The following SLC6A5 variants were observed in gnomAD, a reference collection of about 807,000 sequenced individuals.
SLC6A5 encodes the protein sodium- and chloride-dependent glycine transporter 2.
A neutral mutation model predicts 90.5 loss-of-function variants in SLC6A5; 58 were observed. The observed-to-expected ratio is 0.64, with a 90% confidence interval of 0.52 to 0.80. SLC6A5 has a LOEUF of 0.80. SLC6A5 is among the 30% of genes least tolerant of loss of function. The pLI, the probability that SLC6A5 is intolerant of heterozygous loss-of-function variation, is 0.00. For synonymous variants in SLC6A5, 427 were observed against 401.4 expected (o/e 1.06, Z -0.76); for missense variants, 1,015 against 1,017.6 (o/e 1.00, Z 0.03).
At chr11:20,648,504 G>C (rs1258970478) in intron 14 of SLC6A5, among the ~76,000 whole-genome samples, 1 of 152,152 alleles carries the variant, frequency 6.6e-6, no homozygotes, top group Non-Finnish European at 1.5e-5. Context: ...CAGATTTGGG[G>C]CATGAGAGTT....
chr11:20,613,560 C>A (rs1474337598), intron 5 of SLC6A5, among the ~76,000 whole-genome samples: 1 of 151,862 alleles, frequency 6.6e-6, no homozygotes, highest in Admixed American at 6.6e-5. Context: ...GCCTGACATA[C>A]TAAGACTCAC....
intron 3 of SLC6A5, 96 bp from the exon 4 acceptor site, chr11:20,606,911 C>A: frequency 6.6e-7 from 1 of 1,515,862 alleles, no homozygotes; most frequent in South Asian, 1.1e-5. Flanking sequence ...TCCTTTAGTT[C>A]TTTGAGAGGG....
intron 14 of SLC6A5, among the ~76,000 whole-genome samples, chr11:20,649,982 G>A (rs989758195): frequency 7.9e-5 from 12 of 152,120 alleles, no homozygotes; most frequent in African/African-American, 2.7e-4. Flanking sequence ...AATTATTATT[G>A]TACTGAAATA....
intron 10 of SLC6A5, among the ~76,000 whole-genome samples, chr11:20,632,731 G>A (rs1853131758): frequency 6.6e-6 from 1 of 152,174 alleles, no homozygotes; most frequent in African/African-American, 2.4e-5. Context: ...CAGAATACAG[G>A]ACAGAGATTT....
intron 10 of SLC6A5, among the ~76,000 whole-genome samples, chr11:20,631,594 G>C (rs755044761): frequency 2.0e-5 from 3 of 152,288 alleles, no homozygotes; most frequent in Non-Finnish European, 2.9e-5. Context: ...CAAAGGATTT[G>C]TATATTTAGT....
rs376434465 is a variant in SLC6A5, at chr11:20,618,981, A to ACACACACACACAC, written c.1260+1097_1260+1098insCACACACACACAC. Among the ~76,000 whole-genome samples, 300 of 107,020 alleles carry ACACACACACACAC rather than the reference A, an allele frequency of 2.8e-3. 2 individuals are homozygous for ACACACACACACAC. Among genetic ancestry groups the ACACACACACACAC allele is most frequent in the Middle Eastern group, 0.011 (2 of 182 alleles). 70.2% of individuals were successfully genotyped at this position (107,020 alleles called of 152,430 possible). A position where few individuals can be genotyped will look rare whatever the true frequency, so the allele number is the denominator to read the frequency against. ...ACACACACACACACACACACACACA[A>ACACACACACACAC]AGAAAAACCTACTGAAGAGTTAACC... On this transcript the variant is annotated intron_variant, in intron 7 of 15. Coordinates refer to ENST00000525748, the MANE Select transcript of SLC6A5 (RefSeq NM_004211.5).
At chr11:20,651,775 C>T (rs1853537034) in intron 14 of SLC6A5, among the ~76,000 whole-genome samples, 1 of 151,922 alleles carries the variant, frequency 6.6e-6, no homozygotes, top group Non-Finnish European at 1.5e-5. Context: ...GGGTGTGTGG[C>T]ATACATCTGT....
At chr11:20,600,345 GAA>G (rs1852437666) in intron 1 of SLC6A5, among the ~76,000 whole-genome samples, 3 of 71,346 alleles carry the variant, frequency 4.2e-5, no homozygotes, top group Non-Finnish European at 6.1e-5. Context: ...GGAAGAAGAA[GAA>G]GAAGAAGAAG....
At chr11:20,601,871 G>T (rs781066233) in intron 2 of SLC6A5, among the ~76,000 whole-genome samples, 4 of 152,210 alleles carry the variant, frequency 2.6e-5, no homozygotes, top group Non-Finnish European at 5.9e-5. Flanking sequence ...CAGTGACCCT[G>T]CCAGAGGGGC....
At chr11:20,645,982 G>A (rs1590180540) in intron 13 of SLC6A5, among the ~76,000 whole-genome samples, 1 of 152,118 alleles carries the variant, frequency 6.6e-6, no homozygotes, top group Non-Finnish European at 1.5e-5. Context: ...CAGAGCTGCT[G>A]ACTATGAAGG....
intron 13 of SLC6A5, among the ~76,000 whole-genome samples, chr11:20,645,784 G>A (rs73450278): frequency 0.018 from 2,747 of 151,954 alleles, 82 homozygotes; most frequent in African/African-American, 0.063. Flanking sequence ...GACTCTAGGC[G>A]CCCGCCACGA....
intron 1 of SLC6A5, among the ~76,000 whole-genome samples, chr11:20,600,055 T>C (rs1472770606): frequency 6.6e-6 from 1 of 151,968 alleles, no homozygotes; most frequent in Non-Finnish European, 1.5e-5. Flanking sequence ...TTCTGCGTGT[T>C]TGTGAAAGGG....
Position 20,626,633 on chromosome 11 carries a change from C to T in SLC6A5, c.1261-75C>T, listed in dbSNP as rs76260245. On this transcript the variant is annotated intron_variant, in intron 7 of 15. Coordinates refer to ENST00000525748, the MANE Select transcript of SLC6A5 (RefSeq NM_004211.5). ...TGTCATGCGCAGCCCCACTCTTCCC[C>T]GAGCAATGCTCCTTCTGCACAGGTG... 0.13 allele frequency: 205,033 copies of T among 1,530,034 alleles called. 14,707 individuals carry two copies. The highest frequency in any genetic ancestry group is 0.18 in the African/African-American group (13,204 of 73,482). The allele number at this position is 1,530,034 out of a possible 1,614,324, so 94.8% of individuals were successfully genotyped here.
intron 5 of SLC6A5, among the ~76,000 whole-genome samples, chr11:20,610,541 G>C (rs1852675300): frequency 6.6e-6 from 1 of 152,210 alleles, no homozygotes; most frequent in Non-Finnish European, 1.5e-5. Context: ...TTGGGTGGAC[G>C]TAATGTTTGG....
intron 11 of SLC6A5, 121 bp from the exon 12 acceptor site, chr11:20,637,051 C>A: frequency 9.6e-7 from 1 of 1,045,406 alleles, no homozygotes; most frequent in Non-Finnish European, 1.5e-6. Context: ...GAGGGAATGC[C>A]ATCCTAAAAA....
intron 8 of SLC6A5, 71 bp from the exon 9 acceptor site, chr11:20,627,909 G>T: frequency 9.5e-7 from 1 of 1,058,178 alleles, no homozygotes. Flanking sequence ...ATGGCACTGG[G>T]TGTGTGACTC....
At chr11:20,607,318 C>A (rs752119835) in intron 4 of SLC6A5, among the ~76,000 whole-genome samples, 161 bp from the exon 5 acceptor site, 4 of 151,560 alleles carry the variant, frequency 2.6e-5, no homozygotes, top group African/African-American at 7.3e-5. Context: ...GAGTTCCCAG[C>A]AGAATGCCTT....
intron 10 of SLC6A5, among the ~76,000 whole-genome samples, chr11:20,636,077 CT>C (rs1470361646): frequency 6.6e-6 from 1 of 152,196 alleles, no homozygotes; most frequent in African/African-American, 2.4e-5. Context: ...ATTTTTAGGC[CT>C]CTCCTGTGAG....
At chr11:20,644,919 C>A (rs1445481352) in intron 13 of SLC6A5, among the ~76,000 whole-genome samples, 2 of 151,836 alleles carry the variant, frequency 1.3e-5, no homozygotes, top group Non-Finnish European at 2.9e-5. Context: ...TCAAATGATT[C>A]TTCTGCCTCG....
Sources: allele counts gnomAD v4.1 joint callset (sites outside exome capture counted in the v4.1 genomes callset), GRCh38; gene constraint gnomAD v4.1.1; transcripts MANE v1.5; gene names NCBI Gene and HGNC (gene_info 2026-07-23, HGNC 2026-07-21).